Variants in DCDC2C observed in about 807,000 individuals in gnomAD.
DCDC2C encodes doublecortin domain-containing protein 2C.
A neutral mutation model predicts 45.0 loss-of-function variants in DCDC2C; 44 were observed. The ratio of observed to expected loss-of-function variants is 0.98; its 90% confidence interval spans 0.77 to 1.26. The LOEUF (loss-of-function observed/expected upper bound fraction) is 1.26, where lower values mean the gene tolerates loss of function less well. Ranked by LOEUF, DCDC2C falls within the 50% of genes most tolerant of loss-of-function variation. The pLI is 0.00. For missense variants in DCDC2C, 447 were observed against 468.9 expected (o/e 0.95, Z 0.43); for synonymous variants, 187 against 178.8 (o/e 1.05, Z -0.37).
intron 2 of DCDC2C, among the ~76,000 whole-genome samples, chr2:3,711,612 A>C (rs1668212172): frequency 6.6e-6 from 1 of 152,098 alleles, no homozygotes; most frequent in Admixed American, 6.5e-5. Context: ...CTCTAGGAGG[A>C]TGTGATTTTT....
chr2:3,806,550 T>TG (rs1671248789), intron 10 of DCDC2C, among the ~76,000 whole-genome samples: 2 of 151,722 alleles, frequency 1.3e-5, no homozygotes, highest in Non-Finnish European at 2.9e-5. Flanking sequence ...AGTGTCTTTT[T>TG]TTTTTTTTTT....
rs1225466981 is a variant in DCDC2C, at chr2:3,838,724, A to C, written c.1066-8430A>C. Among the ~76,000 whole-genome samples the C allele has an allele frequency of 2.6e-5, 4 of 152,150 alleles. No homozygotes were observed. In the East Asian group the frequency reaches 7.7e-4, roughly 29 times the overall value. On this transcript the variant is annotated intron_variant, in intron 10 of 10. Transcript: ENST00000399143. ...GTGTGGAAGAGAAAGACATCATTTG[A>C]GAGGGTACTGTGGGGCTGTGTCCTC...
At chr2:3,814,709 G>A (rs1558239603) in intron 10 of DCDC2C, among the ~76,000 whole-genome samples, 1 of 152,248 alleles carries the variant, frequency 6.6e-6, no homozygotes, top group Non-Finnish European at 1.5e-5. Flanking sequence ...CTCCCATTAG[G>A]GGATCTGGCT....
chr2:3,725,636 A>C (rs79372720), intron 2 of DCDC2C, among the ~76,000 whole-genome samples: 4,036 of 82,556 alleles, frequency 0.049, 283 homozygotes, highest in East Asian at 0.076. Flanking sequence ...AGTGACGAGG[A>C]TGGCCAGGTG....
chr2:3,803,233 T>C (rs1308818657), intron 10 of DCDC2C, among the ~76,000 whole-genome samples: 1 of 152,232 alleles, frequency 6.6e-6, no homozygotes, highest in Non-Finnish European at 1.5e-5. Context: ...GATTTCATTA[T>C]CTACTCTATC....
chr2:3,713,807 T>A (rs1408899294), intron 2 of DCDC2C, among the ~76,000 whole-genome samples: 1 of 152,250 alleles, frequency 6.6e-6, no homozygotes, highest in Non-Finnish European at 1.5e-5. Flanking sequence ...ATGATCTTTG[T>A]AAATCACTTT....
intron 6 of DCDC2C, among the ~76,000 whole-genome samples, chr2:3,762,150 T>A (rs1176058388): frequency 7.5e-6 from 1 of 133,142 alleles, no homozygotes; most frequent in Non-Finnish European, 1.6e-5. Context: ...ATCCATGTTT[T>A]CTTGCTTGAA....
chr2:3,771,288 A>C (rs1558219073), intron 8 of DCDC2C, among the ~76,000 whole-genome samples: 1 of 152,228 alleles, frequency 6.6e-6, no homozygotes, highest in African/African-American at 2.4e-5. Context: ...GGGTCCTGAC[A>C]TGCAGCAGGT....
intron 8 of DCDC2C, among the ~76,000 whole-genome samples, chr2:3,772,432 C>A (rs953215330): frequency 3.3e-5 from 5 of 152,238 alleles, no homozygotes; most frequent in Non-Finnish European, 7.3e-5. Context: ...CCGCAGCCCC[C>A]TTTCCTGTCA....
intron 10 of DCDC2C, among the ~76,000 whole-genome samples, chr2:3,824,161 T>C (rs59191314): frequency 0.021 from 3,179 of 152,330 alleles, 128 homozygotes; most frequent in African/African-American, 0.073. Flanking sequence ...GTGGATCATA[T>C]CTGTATCTGG....
intron 10 of DCDC2C, among the ~76,000 whole-genome samples, chr2:3,822,467 C>T (rs1671715393): frequency 6.6e-6 from 1 of 151,740 alleles, no homozygotes; most frequent in African/African-American, 2.4e-5. Context: ...AGTGTTATTC[C>T]CTGTACATTT....
chr2:3,722,640 G>A (rs1668532321), intron 2 of DCDC2C, among the ~76,000 whole-genome samples: 1 of 152,206 alleles, frequency 6.6e-6, no homozygotes, highest in African/African-American at 2.4e-5. Flanking sequence ...TCTGACAAGT[G>A]TGAATGAGGC....
At chr2:3,842,364 G>A (rs1298571224) in intron 10 of DCDC2C, among the ~76,000 whole-genome samples, 1 of 151,906 alleles carries the variant, frequency 6.6e-6, no homozygotes, top group Admixed American at 6.6e-5. Flanking sequence ...TATAGAACGT[G>A]TTATAAAGGA....
rs59103209 is a variant in DCDC2C at position 3,837,828 on chromosome 2, C to T, written c.1066-9326C>T. On this transcript the variant is annotated intron_variant, in intron 10 of 10. Transcript: ENST00000399143. ...GTCCGTGCGTGGTGGGAGGGTTGGT[C>T]CTATGCAGGAACAGGACAGCCCCTC... is the stretch of plus-strand genomic sequence containing the variant. 7.5e-3 allele frequency among the ~76,000 whole-genome samples: 1,134 copies of T among 152,088 alleles called. 14 individuals are homozygous for T. Among genetic ancestry groups the T allele is most frequent in the African/African-American group, 0.026 (1,071 of 41,480 alleles).
At chr2:3,798,776 C>A (rs1004750761) in intron 10 of DCDC2C, among the ~76,000 whole-genome samples, 4 of 152,030 alleles carry the variant, frequency 2.6e-5, no homozygotes, top group African/African-American at 9.7e-5. Context: ...GAGGGTAACC[C>A]GACCTTTCTC....
chr2:3,727,175 T>C, intron 3 of DCDC2C, 96 bp downstream of exon 3: 1 of 1,005,394 alleles, frequency 9.9e-7, no homozygotes, highest in Non-Finnish European at 1.5e-6. Context: ...GCCCCCTTTC[T>C]GTCCCTCCTC....
chr2:3,820,140 T>A (rs1363036677), intron 10 of DCDC2C, among the ~76,000 whole-genome samples: 2 of 152,166 alleles, frequency 1.3e-5, no homozygotes, highest in African/African-American at 4.8e-5. Flanking sequence ...TGCCTGGACG[T>A]CAGGCACCTC....
intron 2 of DCDC2C, among the ~76,000 whole-genome samples, chr2:3,725,700 G>GGGAGATGAGCAGGGA (rs1668646346): frequency 6.6e-6 from 1 of 151,162 alleles, no homozygotes. Context: ...GGATCCCAGA[G>GGGAGATGAGCAGGGA]GGAGATGAGC....
chr2:3,757,592 G>T (rs1669756085), intron 6 of DCDC2C, among the ~76,000 whole-genome samples: 1 of 152,164 alleles, frequency 6.6e-6, no homozygotes, highest in African/African-American at 2.4e-5. Context: ...TGATTCATCT[G>T]GTCGTCCATG....
Sources: allele counts gnomAD v4.1 joint callset (sites outside exome capture counted in the v4.1 genomes callset), GRCh38; gene constraint gnomAD v4.1.1; transcripts MANE v1.5; gene names NCBI Gene and HGNC (gene_info 2026-07-23, HGNC 2026-07-21).